The following NT5C2 variants were observed in gnomAD, a reference collection of about 807,000 sequenced individuals.
NT5C2 encodes the protein 5'-nucleotidase, cytosolic II, also known as cytosolic purine 5'-nucleotidase.
In NT5C2, 58 loss-of-function variants were observed where a neutral mutation model predicts 76.1. The ratio of observed to expected loss-of-function variants is 0.76; its 90% CI spans 0.62 to 0.95. The LOEUF is 0.95. Ranked by LOEUF, NT5C2 falls within the 40% of genes least tolerant of loss-of-function variation. The pLI is 0.00. For missense variants in NT5C2, 478 were observed against 690.3 expected, an observed-to-expected ratio of 0.69 and a Z score of 3.45; for synonymous variants, 229 against 237.4, an observed-to-expected ratio of 0.96 and a Z score of 0.32.
At chr10:103,112,517 T>C (rs542887151) in intron 4 of NT5C2, among the ~76,000 whole-genome samples, 2 of 152,224 alleles carry the variant, frequency 1.3e-5, no homozygotes, top group Non-Finnish European at 2.9e-5. Flanking sequence ...GAGTTGAAGA[T>C]ACATAATCCA....
In NT5C2 at chr10:103,094,313, A is replaced by ATGTGC. The variant is rs775521219; in HGVS notation, c.921+30_921+34dup. On this transcript the variant is annotated intron_variant, in intron 13 of 18. Coordinates refer to ENST00000404739, the MANE Select transcript of NT5C2 (RefSeq NM_001351169.2). Reference sequence around the variant, plus strand: ...GGGGGAAGGAGAAACATTAAGGACAATGTGCTAGCAAGACAGATCATTCTC... The same window carrying ATGTGC: ...GGGGGAAGGAGAAACATTAAGGACAATGTGCTGTGCTAGCAAGACAGATCATTCTC... 3 of 1,320,404 alleles carry ATGTGC rather than the reference A, an allele frequency of 2.3e-6. No individual in the cohort carries two copies. In the South Asian group the frequency reaches 3.5e-5, roughly 16 times the overall value. 81.8% of individuals were successfully genotyped at this position (1,320,404 alleles called of 1,614,324 possible).
chr10:103,127,550 A>T (rs1047350574), intron 4 of NT5C2, among the ~76,000 whole-genome samples: 7 of 152,302 alleles, frequency 4.6e-5, no homozygotes, highest in African/African-American at 1.2e-4. Context: ...TGGGGAAATA[A>T]ATGATTACCA....
At chr10:103,133,742 G>A (rs1299167745) in intron 4 of NT5C2, among the ~76,000 whole-genome samples, 2 of 152,222 alleles carry the variant, frequency 1.3e-5, no homozygotes, top group Admixed American at 6.5e-5. Flanking sequence ...GGAGGGCTCA[G>A]AAGAAGAGAG....
intron 3 of NT5C2, among the ~76,000 whole-genome samples, chr10:103,145,365 T>C (rs1207949688): frequency 6.6e-6 from 1 of 152,144 alleles, no homozygotes; most frequent in East Asian, 1.9e-4. Flanking sequence ...TTAGGTACTA[T>C]ATCAACTAAA....
intron 3 of NT5C2, among the ~76,000 whole-genome samples, chr10:103,166,816 C>CTT (rs2086522479): frequency 6.6e-6 from 1 of 152,004 alleles, no homozygotes; most frequent in African/African-American, 2.4e-5. Context: ...CCATACTCAG[C>CTT]TAATCTTTTT....
intron 4 of NT5C2, among the ~76,000 whole-genome samples, chr10:103,138,448 A>G (rs1306183536): frequency 6.6e-6 from 1 of 151,868 alleles, no homozygotes; most frequent in Admixed American, 6.6e-5. Context: ...ACCCCCCGAC[A>G]AGCCTCAGTG....
intron 4 of NT5C2, among the ~76,000 whole-genome samples, chr10:103,119,523 G>A (rs1332769381): frequency 1.3e-5 from 2 of 152,204 alleles, no homozygotes; most frequent in African/African-American, 2.4e-5. Flanking sequence ...TGAGGAGGAT[G>A]CCCTGAGTAT....
chr10:103,123,411 T>A (rs1018948418), intron 4 of NT5C2, among the ~76,000 whole-genome samples: 5 of 152,158 alleles, frequency 3.3e-5, no homozygotes, highest in African/African-American at 1.2e-4. Flanking sequence ...TTTGTAGAGA[T>A]GAGGTCTCAC....
intron 3 of NT5C2, among the ~76,000 whole-genome samples, chr10:103,171,815 T>A (rs1256145125): frequency 6.6e-6 from 1 of 152,092 alleles, no homozygotes; most frequent in Non-Finnish European, 1.5e-5. Flanking sequence ...TCCCAGCACT[T>A]TGGGAGACCA....
chr10:103,091,088 G>T, intron 16 of NT5C2, 92 bp from the exon 17 acceptor site: 2 of 1,150,560 alleles, frequency 1.7e-6, no homozygotes, highest in Non-Finnish European at 2.6e-6. Context: ...AGGCTGGAGT[G>T]CAGGGGTGTG....
chr10:103,141,099 G>A (rs2136319752), intron 3 of NT5C2, among the ~76,000 whole-genome samples: 1 of 152,206 alleles, frequency 6.6e-6, no homozygotes, highest in East Asian at 1.9e-4. Context: ...CCAAGGTCAA[G>A]AAGCTTTTCC....
chr10:103,156,021 C>T (rs950352453), intron 3 of NT5C2, among the ~76,000 whole-genome samples: 4 of 151,936 alleles, frequency 2.6e-5, no homozygotes, highest in Admixed American at 1.3e-4. Flanking sequence ...TAAAAATTAG[C>T]CAGGTATGGT....
intron 3 of NT5C2, among the ~76,000 whole-genome samples, chr10:103,162,341 C>A (rs1256368881): frequency 1.4e-4 from 21 of 151,998 alleles, no homozygotes; most frequent in Non-Finnish European, 2.5e-4. Flanking sequence ...AGAGAATACA[C>A]ACACACACCT....
chr10:103,191,820 T>G (rs962182918), intron 1 of NT5C2, among the ~76,000 whole-genome samples: 1 of 152,258 alleles, frequency 6.6e-6, no homozygotes, highest in East Asian at 1.9e-4. Flanking sequence ...ACCTATACTG[T>G]TGAAATGTAG....
intron 3 of NT5C2, among the ~76,000 whole-genome samples, chr10:103,153,136 C>T (rs2082686491): frequency 6.6e-6 from 1 of 152,212 alleles, no homozygotes; most frequent in Non-Finnish European, 1.5e-5. Flanking sequence ...GTAGATTACA[C>T]ATGAAACACT....
At chr10:103,157,944 G>A (rs1055513946) in intron 3 of NT5C2, among the ~76,000 whole-genome samples, 35 of 151,960 alleles carry the variant, frequency 2.3e-4, no homozygotes, top group Middle Eastern at 3.2e-3. Flanking sequence ...ATGGTGGCAC[G>A]CACCTGTAGC....
chr10:103,148,383 A>G (rs1321980553), intron 3 of NT5C2, among the ~76,000 whole-genome samples: 2 of 152,166 alleles, frequency 1.3e-5, no homozygotes, highest in African/African-American at 2.4e-5. Context: ...CGGGTGGATC[A>G]CGAGGTCAGG....
intron 4 of NT5C2, among the ~76,000 whole-genome samples, chr10:103,128,044 TCTCTCCCTCTCCCTCTCC>T (rs71019659): frequency 0.066 from 9,089 of 138,602 alleles, 302 homozygotes; most frequent in African/African-American, 0.1. Context: ...AATGATCCGG[TCTCTCCCTCTCCCTCTCC>T]CTCTCCCTCT....
At chr10:103,190,211 G>A (rs1427173797) in intron 1 of NT5C2, among the ~76,000 whole-genome samples, 1 of 152,058 alleles carries the variant, frequency 6.6e-6, no homozygotes, top group East Asian at 1.9e-4. Context: ...ATGTTGGCCA[G>A]GCTGGTCTCA....
Sources: allele counts gnomAD v4.1 joint callset (sites outside exome capture counted in the v4.1 genomes callset), GRCh38; gene constraint gnomAD v4.1.1; transcripts MANE v1.5; gene names NCBI Gene and HGNC (gene_info 2026-07-23, HGNC 2026-07-21).